The following TMTC2 variants were observed in gnomAD, a reference collection of about 807,000 sequenced individuals.
TMTC2 encodes protein O-mannosyl-transferase TMTC2.
In TMTC2, 43 loss-of-function variants were observed where a neutral mutation model predicts 82.4. That is an observed-to-expected ratio of 0.52 (90% CI 0.41 to 0.67). The LOEUF is 0.67. TMTC2 is among the 30% of genes least tolerant of loss of function. The pLI is 0.00. For missense variants in TMTC2, 919 were observed against 1,012.4 expected, an observed-to-expected ratio of 0.91 and a Z score of 1.25; for synonymous variants, 408 against 381.9, an observed-to-expected ratio of 1.07 and a Z score of -0.80.
intron 1 of TMTC2, among the ~76,000 whole-genome samples, chr12:82,856,052 C>T (rs1378884403): frequency 1.3e-5 from 2 of 152,218 alleles, no homozygotes; most frequent in African/African-American, 4.8e-5. Flanking sequence ...TTCTGAACCA[C>T]AAACTTTCTC....
intron 1 of TMTC2, among the ~76,000 whole-genome samples, chr12:82,717,218 CTTT>C (rs200275370): frequency 1.5e-4 from 21 of 139,078 alleles, no homozygotes; most frequent in Admixed American, 4.3e-4. Context: ...GCAAAAGGCA[CTTT>C]TTTTTTTTTT....
intron 1 of TMTC2, among the ~76,000 whole-genome samples, chr12:82,790,086 C>T (rs533899700): frequency 3.3e-5 from 5 of 151,062 alleles, no homozygotes; most frequent in Non-Finnish European, 7.4e-5. Context: ...CCTGTGGTCT[C>T]AGCTACTTAG....
At chr12:83,026,677 T>C (rs1188296990) in intron 8 of TMTC2, among the ~76,000 whole-genome samples, 5 of 151,704 alleles carry the variant, frequency 3.3e-5, no homozygotes, top group Admixed American at 3.3e-4. Flanking sequence ...CTCCTTGCTC[T>C]AAGGGGAGTT....
intron 1 of TMTC2, among the ~76,000 whole-genome samples, chr12:82,781,245 T>C (rs1565747588): frequency 6.6e-6 from 1 of 151,970 alleles, no homozygotes; most frequent in Admixed American, 6.6e-5. Flanking sequence ...TCTCTCAAAC[T>C]TTTCAAAATC....
At chr12:82,932,511 T>C (rs1876095027) in intron 4 of TMTC2, among the ~76,000 whole-genome samples, 1 of 152,202 alleles carries the variant, frequency 6.6e-6, no homozygotes, top group Admixed American at 6.5e-5. Flanking sequence ...TGAAAATACA[T>C]ATCTAGGTAC....
intron 1 of TMTC2, among the ~76,000 whole-genome samples, chr12:82,797,394 C>T (rs962692759): frequency 1.3e-5 from 2 of 152,132 alleles, no homozygotes; most frequent in African/African-American, 4.8e-5. Context: ...CTGTTATGTA[C>T]TTCAGAGAAA....
chr12:82,966,666 G>T (rs73146586), intron 6 of TMTC2, among the ~76,000 whole-genome samples: 8,743 of 152,102 alleles, frequency 0.057, 339 homozygotes, highest in Non-Finnish European at 0.087. Flanking sequence ...TAGAAAATTT[G>T]TATTAAAAGA....
intron 1 of TMTC2, among the ~76,000 whole-genome samples, chr12:82,809,544 A>G (rs1879393307): frequency 6.6e-6 from 1 of 152,150 alleles, no homozygotes; most frequent in African/African-American, 2.4e-5. Flanking sequence ...AAGTGTTTAA[A>G]CATACAGTAT....
Position 83,066,153 on chromosome 12 carries a change from G to T in TMTC2, c.2331+4322G>T, listed in dbSNP as rs1882908774. Among the ~76,000 whole-genome samples the T allele has an allele frequency of 2.6e-5, 4 of 151,888 alleles. No homozygotes were observed. In the South Asian group the frequency reaches 8.3e-4, roughly 31 times the overall value. On this transcript the variant is annotated intron_variant, in intron 11 of 11. Coordinates refer to ENST00000321196, the MANE Select transcript of TMTC2 (RefSeq NM_152588.3). Reference sequence around the variant, plus strand: ...GGAATTTCAATCCTCAAACATCAGGGCAGTAAATAATGGCATCTAATAAGT... The same window carrying T: ...GGAATTTCAATCCTCAAACATCAGGTCAGTAAATAATGGCATCTAATAAGT...
At chr12:82,985,838 T>TATGATG (rs145319328) in intron 7 of TMTC2, 87 bp from the exon 8 acceptor site, 24 of 1,483,990 alleles carry the variant, frequency 1.6e-5, no homozygotes, top group African/African-American at 2.8e-5. Context: ...TTCCACGCAG[T>TATGATG]ATGATGATGA....
Position 82,937,398 on chromosome 12 carries a change from G to A in TMTC2, c.1598+6853G>A, listed in dbSNP as rs541076330. On this transcript the variant is annotated intron_variant, in intron 4 of 11. Transcript: ENST00000321196. ...TCCTGTGTATTTCTATCTTCACATCGCCATCTTCTTAAAAGGACATCAGTC... is the reference window on the plus strand; with the variant it reads ...TCCTGTGTATTTCTATCTTCACATCACCATCTTCTTAAAAGGACATCAGTC... Among the ~76,000 whole-genome samples, 7 of 152,060 alleles carry A rather than the reference G, an allele frequency of 4.6e-5. No individual in the cohort carries two copies. In the East Asian group the frequency reaches 7.7e-4, roughly 17 times the overall value.
At chr12:83,072,598 G>C (rs1050158943) in intron 11 of TMTC2, among the ~76,000 whole-genome samples, 2 of 152,042 alleles carry the variant, frequency 1.3e-5, no homozygotes, top group Non-Finnish European at 2.9e-5. Context: ...GCTGTCAGTG[G>C]AGTATTGAAG....
chr12:82,979,723 A>G (rs1878838553), intron 7 of TMTC2, among the ~76,000 whole-genome samples: 1 of 151,874 alleles, frequency 6.6e-6, no homozygotes, highest in East Asian at 1.9e-4. Flanking sequence ...CTTATTGCTT[A>G]TAAAGGTCAT....
chr12:82,983,054 G>A (rs1005318931), intron 7 of TMTC2, among the ~76,000 whole-genome samples: 2 of 152,016 alleles, frequency 1.3e-5, no homozygotes, highest in African/African-American at 4.8e-5. Flanking sequence ...GTTGAATGGG[G>A]CAATGTGTTA....
In TMTC2 at chr12:82,845,325, C is replaced by A. The variant is rs1407188884; in HGVS notation, c.84-11685C>A. Among the ~76,000 whole-genome samples the A allele has an allele frequency of 1.7e-4, 25 of 143,132 alleles. No individual in the cohort carries two copies. In the Admixed American group the frequency reaches 1.8e-3, roughly 10 times the overall value. The allele number at this position is 143,132 out of a possible 152,430, so 93.9% of individuals were successfully genotyped here. A position where few individuals can be genotyped will look rare whatever the true frequency, so the allele number is the denominator to read the frequency against. ...CCACAAATACCACAAATCCTCAAGA[C>A]CTTATTGTAGGGGAAACATAGTATT... On this transcript the variant is annotated intron_variant, in intron 1 of 11. Coordinates refer to ENST00000321196, the MANE Select transcript of TMTC2 (RefSeq NM_152588.3).
intron 8 of TMTC2, among the ~76,000 whole-genome samples, chr12:83,007,539 A>T (rs1031868927): frequency 6.6e-6 from 1 of 152,108 alleles, no homozygotes; most frequent in Non-Finnish European, 1.5e-5. Flanking sequence ...TGTGCGTACA[A>T]TTACCTTACG....
At chr12:82,849,323 A>G (rs1870848120) in intron 1 of TMTC2, among the ~76,000 whole-genome samples, 1 of 152,128 alleles carries the variant, frequency 6.6e-6, no homozygotes, top group Admixed American at 6.5e-5. Context: ...AATGAAGGAA[A>G]GAGAAAAAAT....
In TMTC2 at chr12:82,965,037, CAGG is replaced by C. The variant is rs1318654388; in HGVS notation, c.1615_1617del (p.Glu539del). 2 of 1,611,854 alleles carry C rather than the reference CAGG, an allele frequency of 1.2e-6. No individual in the cohort carries two copies. The highest frequency in any genetic ancestry group is 2.2e-5 in the East Asian group (1 of 44,792). ...TTCCTCATGCAGAGGGCTACTTCTCCAGGAGAACAGCAGGTTTGCAGAAGCACT... is the reference window on the plus strand; with the variant it reads ...TTCCTCATGCAGAGGGCTACTTCTCCAGAACAGCAGGTTTGCAGAAGCACT... On this transcript the variant is annotated inframe_deletion, in exon 5 of 12. Coordinates refer to ENST00000321196, the MANE Select transcript of TMTC2 (RefSeq NM_152588.3).
chr12:83,014,480 C>CA (rs1880588572), intron 8 of TMTC2, among the ~76,000 whole-genome samples: 1 of 152,222 alleles, frequency 6.6e-6, no homozygotes, highest in Non-Finnish European at 1.5e-5. Flanking sequence ...GCTGGGACTA[C>CA]AGGCGTCCGC....
Sources: gnomAD v4.1 joint callset for allele counts (sites outside exome capture counted in the v4.1 genomes callset) on GRCh38, gnomAD v4.1.1 for gene constraint, MANE v1.5 for transcripts, NCBI Gene and HGNC (gene_info 2026-07-23, HGNC 2026-07-21) for gene names.